The following ASCC3 variants were observed in gnomAD, a reference collection of about 807,000 sequenced individuals.
ASCC3 encodes the protein ASC-1 complex subunit P200.
Under a neutral mutation model 256.3 loss-of-function variants are expected in ASCC3, and 158 were observed. The ratio of observed to expected loss-of-function variants is 0.62; its 90% CI spans 0.54 to 0.70. The LOEUF (loss-of-function observed/expected upper bound fraction) is 0.70. Ranked by LOEUF, ASCC3 falls within the 30% of genes least tolerant of loss-of-function variation. ASCC3 has a pLI of 0.00. For synonymous variants in ASCC3, 948 were observed against 883.4 expected, an observed-to-expected ratio of 1.07 and a Z score of -1.30; for missense variants, 2,259 against 2,626.0, an observed-to-expected ratio of 0.86 and a Z score of 3.05.
intron 16 of ASCC3, among the ~76,000 whole-genome samples, chr6:100,656,418 T>C (rs1775918377): frequency 6.6e-6 from 1 of 151,682 alleles, no homozygotes; most frequent in Non-Finnish European, 1.5e-5. Context: ...TTATACATAT[T>C]AATAATACAT....
intron 4 of ASCC3, among the ~76,000 whole-genome samples, chr6:100,836,365 TC>T (rs1771875032): frequency 1.3e-5 from 2 of 152,120 alleles, no homozygotes; most frequent in African/African-American, 4.8e-5. Context: ...CTATTCAATA[TC>T]ATGTTAGCTA....
intron 3 of ASCC3, 75 bp from the exon 4 acceptor site, chr6:100,848,782 A>G: frequency 7.2e-7 from 1 of 1,398,304 alleles, no homozygotes; most frequent in Non-Finnish European, 1.0e-6. Context: ...AAAAATTACC[A>G]CAAATATTCT....
chr6:100,797,489 A>AAC (rs1562303192), intron 8 of ASCC3, among the ~76,000 whole-genome samples: 7 of 149,026 alleles, frequency 4.7e-5, no homozygotes, highest in Admixed American at 6.7e-5. Flanking sequence ...AAAAAAAAAA[A>AAC]AAACTTAAAA....
chr6:100,650,895 T>C (rs1452339976), intron 19 of ASCC3, among the ~76,000 whole-genome samples, 181 bp from the exon 20 acceptor site: 1 of 151,868 alleles, frequency 6.6e-6, no homozygotes, highest in Non-Finnish European at 1.5e-5. Flanking sequence ...CAATATGAAA[T>C]GATCTTGAGG....
intron 3 of ASCC3, among the ~76,000 whole-genome samples, chr6:100,861,814 A>G (rs910733583): frequency 3.3e-5 from 5 of 152,168 alleles, no homozygotes; most frequent in African/African-American, 1.2e-4. Context: ...CCCCAGAATT[A>G]TATTTAATGA....
At chr6:100,686,657 G>C (rs527611531) in intron 13 of ASCC3, among the ~76,000 whole-genome samples, 16 of 151,938 alleles carry the variant, frequency 1.1e-4, no homozygotes, top group Admixed American at 5.2e-4. Flanking sequence ...CCAATCTTTT[G>C]TTATTAAAAG....
chr6:100,800,542 T>C (rs1349898351), intron 5 of ASCC3, 38 bp from the exon 6 acceptor site: 1 of 1,459,848 alleles, frequency 6.9e-7, no homozygotes, highest in East Asian at 2.3e-5. Flanking sequence ...GTTTTATAAA[T>C]CTGAATATGA....
At chr6:100,524,261 G>A (rs1012954815) in intron 37 of ASCC3, among the ~76,000 whole-genome samples, 11 of 152,002 alleles carry the variant, frequency 7.2e-5, no homozygotes, top group African/African-American at 2.4e-4. Context: ...GCAGAAAAAT[G>A]TGAACTCCAG....
chr6:100,829,672 T>G (rs1771522029), intron 4 of ASCC3, among the ~76,000 whole-genome samples: 1 of 152,162 alleles, frequency 6.6e-6, no homozygotes, highest in Non-Finnish European at 1.5e-5. Context: ...GCTCCTCAAG[T>G]GCCGCCAAAG....
chr6:100,744,423 A>G (rs1780574068), intron 10 of ASCC3, among the ~76,000 whole-genome samples: 1 of 152,202 alleles, frequency 6.6e-6, no homozygotes, highest in African/African-American at 2.4e-5. Flanking sequence ...GACAAGGTCT[A>G]GAAGTCAAGC....
intron 13 of ASCC3, among the ~76,000 whole-genome samples, chr6:100,687,028 T>A (rs1407082799): frequency 1.2e-3 from 105 of 89,226 alleles, no homozygotes; most frequent in Admixed American, 2.2e-3. Flanking sequence ...TCTCTCTCTC[T>A]CTCTCTCACA....
intron 37 of ASCC3, among the ~76,000 whole-genome samples, chr6:100,536,647 C>T (rs1189767284): frequency 5.3e-5 from 8 of 152,118 alleles, no homozygotes; most frequent in East Asian, 1.9e-4. Flanking sequence ...TTAATTTTTT[C>T]GTGGAGATGG....
At chr6:100,659,436 T>C (rs1327284396) in intron 16 of ASCC3, among the ~76,000 whole-genome samples, 1 of 151,488 alleles carries the variant, frequency 6.6e-6, no homozygotes, top group African/African-American at 2.4e-5. Flanking sequence ...AGTTCAACAA[T>C]GGCTATACTT....
intron 36 of ASCC3, among the ~76,000 whole-genome samples, chr6:100,542,598 C>T (rs1013656558): frequency 5.3e-5 from 8 of 151,970 alleles, no homozygotes; most frequent in African/African-American, 1.9e-4. Flanking sequence ...AGGAGAATCG[C>T]TTGAACTCGG....
chr6:100,653,574 G>T (rs1025692952), intron 17 of ASCC3, among the ~76,000 whole-genome samples: 1 of 151,288 alleles, frequency 6.6e-6, no homozygotes, highest in Non-Finnish European at 1.5e-5. Context: ...GGAGACAGAG[G>T]TTGCAGTGAG....
chr6:100,804,474 C>T (rs1027632441), intron 5 of ASCC3, among the ~76,000 whole-genome samples: 1 of 152,028 alleles, frequency 6.6e-6, no homozygotes, highest in African/African-American at 2.4e-5. Context: ...CACTTGTCAA[C>T]AGAGTAAACA....
chr6:100,638,575 A>G (rs1774959273), intron 25 of ASCC3, 26 bp downstream of exon 25: 2 of 1,540,616 alleles, frequency 1.3e-6, no homozygotes, highest in East Asian at 2.3e-5. Context: ...TTCTAATTAA[A>G]TGTAAGTATG....
chr6:100,523,386 A>G (rs1774402611), intron 37 of ASCC3, among the ~76,000 whole-genome samples: 1 of 152,142 alleles, frequency 6.6e-6, no homozygotes, highest in Non-Finnish European at 1.5e-5. Context: ...GGACTGTAAT[A>G]TCCTTGAGGT....
Position 100,681,676 on chromosome 6 carries a change from G to A in ASCC3, c.2152-1924C>T, listed in dbSNP as rs184606041. On this transcript the variant is annotated intron_variant, in intron 13 of 41. Transcript: ENST00000369162. ...TGGGAGGCAGAGGTTGCAGTGAGCC[G>A]GGATTACGCCACTGCACTCCAGCCT... is the stretch of plus-strand genomic sequence containing the variant. Among the ~76,000 whole-genome samples, 51 of 128,506 alleles carry A rather than the reference G, an allele frequency of 4.0e-4. No homozygotes were observed. The East Asian group carries it at 0.01, about 25-fold the overall frequency. The allele number at this position is 128,506 out of a possible 152,430, so 84.3% of individuals were successfully genotyped here.
Sources: gnomAD v4.1 joint callset for allele counts (sites outside exome capture counted in the v4.1 genomes callset) on GRCh38, gnomAD v4.1.1 for gene constraint, MANE v1.5 for transcripts, NCBI Gene and HGNC (gene_info 2026-07-23, HGNC 2026-07-21) for gene names.